RARB: variants seen among roughly 807,000 people sequenced by gnomAD.
RARB encodes HBV-activated protein.
In RARB, 17 loss-of-function variants were observed where a neutral mutation model predicts 51.9. The observed-to-expected ratio is 0.33, with a 90% confidence interval of 0.22 to 0.49. The LOEUF (loss-of-function observed/expected upper bound fraction) is 0.49. RARB is among the 20% of genes least tolerant of loss of function. RARB has a pLI of 0.99. For synonymous variants in RARB, 215 were observed against 195.4 expected, an observed-to-expected ratio of 1.10 and a Z score of -0.84; for missense variants, 369 against 550.8, an observed-to-expected ratio of 0.67 and a Z score of 3.30.
intron 5 of RARB, among the ~76,000 whole-genome samples, chr3:25,175,329 GA>G (rs1375237891): frequency 2.0e-5 from 3 of 152,192 alleles, no homozygotes; most frequent in Non-Finnish European, 4.4e-5. Context: ...ATCTGGAGGT[GA>G]AAAGGCATAT....
At chr3:24,898,295 A>C (rs11718085) in intron 2 of RARB, among the ~76,000 whole-genome samples, 2,708 of 150,738 alleles carry the variant, frequency 0.018, 72 homozygotes, top group East Asian at 0.15. Context: ...ATAGGAAATA[A>C]ATGAAAAATA....
intron 2 of RARB, among the ~76,000 whole-genome samples, chr3:24,912,180 G>T (rs1695002229): frequency 6.6e-6 from 1 of 152,126 alleles, no homozygotes; most frequent in East Asian, 1.9e-4. Context: ...CTATGACGAG[G>T]CAGGGGGGAA....
intron 5 of RARB, among the ~76,000 whole-genome samples, chr3:25,316,496 C>G (rs780243539): frequency 6.6e-6 from 1 of 151,954 alleles, no homozygotes; most frequent in South Asian, 2.1e-4. Flanking sequence ...GAAAAGCATG[C>G]CTGGGGGAAA....
intron 2 of RARB, among the ~76,000 whole-genome samples, chr3:24,862,543 C>G (rs570127997): frequency 6.6e-6 from 1 of 152,314 alleles, no homozygotes; most frequent in African/African-American, 2.4e-5. Flanking sequence ...ATCTCTGGCT[C>G]TCCTGCTTTG....
chr3:25,204,365 T>G (rs1701475265), intron 5 of RARB, among the ~76,000 whole-genome samples: 1 of 152,166 alleles, frequency 6.6e-6, no homozygotes, highest in Admixed American at 6.5e-5. Context: ...TTGCCACGAG[T>G]TTGAACTTCT....
intron 3 of RARB, among the ~76,000 whole-genome samples, chr3:25,509,688 A>G (rs767919110): frequency 1.3e-5 from 2 of 152,150 alleles, no homozygotes; most frequent in East Asian, 1.9e-4. Flanking sequence ...ACCCAACTCC[A>G]TGGAGAAAAC....
At chr3:25,380,284 C>T (rs1706586526) in intron 5 of RARB, among the ~76,000 whole-genome samples, 1 of 152,146 alleles carries the variant, frequency 6.6e-6, no homozygotes, top group African/African-American at 2.4e-5. Flanking sequence ...TGACATCGTC[C>T]ATCCTCTTTC....
At chr3:25,275,504 T>G (rs1703359435) in intron 5 of RARB, among the ~76,000 whole-genome samples, 1 of 152,166 alleles carries the variant, frequency 6.6e-6, no homozygotes, top group South Asian at 2.1e-4. Context: ...GCACCTGGCT[T>G]ACTGCCTGCA....
intron 4 of RARB, among the ~76,000 whole-genome samples, chr3:25,154,059 T>C (rs1700336142): frequency 6.6e-6 from 1 of 152,242 alleles, no homozygotes; most frequent in Non-Finnish European, 1.5e-5. Context: ...ACTTTTATTA[T>C]GCTCATTCCA....
intron 2 of RARB, among the ~76,000 whole-genome samples, chr3:24,915,102 G>C (rs28623189): frequency 2.0e-5 from 3 of 152,122 alleles, no homozygotes; most frequent in African/African-American, 7.2e-5. Context: ...CTTTATAAGA[G>C]GTGTTTCTGA....
chr3:24,920,767 T>C (rs1162890381), intron 2 of RARB, among the ~76,000 whole-genome samples: 1 of 152,236 alleles, frequency 6.6e-6, no homozygotes, highest in Non-Finnish European at 1.5e-5. Context: ...CAGCCAACTT[T>C]GTCTGTGGTT....
chr3:25,276,181 T>C (rs2125413727), intron 5 of RARB, among the ~76,000 whole-genome samples: 1 of 152,352 alleles, frequency 6.6e-6, no homozygotes, highest in African/African-American at 2.4e-5. Flanking sequence ...TTTTGTCTTT[T>C]TGATAATAGC....
At chr3:25,300,032 C>T (rs1044171594) in intron 5 of RARB, among the ~76,000 whole-genome samples, 1 of 152,136 alleles carries the variant, frequency 6.6e-6, no homozygotes, top group Non-Finnish European at 1.5e-5. Flanking sequence ...CAACACTAAG[C>T]TCTGTTCATT....
At chr3:24,937,675 C>G (rs1271380987) in intron 2 of RARB, among the ~76,000 whole-genome samples, 1 of 152,094 alleles carries the variant, frequency 6.6e-6, no homozygotes, top group East Asian at 1.9e-4. Context: ...GAGATAGCAT[C>G]AAAACATTTA....
intron 3 of RARB, among the ~76,000 whole-genome samples, chr3:25,106,851 A>G (rs555265204): frequency 6.6e-5 from 10 of 151,800 alleles, no homozygotes; most frequent in African/African-American, 1.2e-4. Flanking sequence ...CCCTATACCA[A>G]TTGACTCCAG....
At chr3:24,949,205 T>A (rs942685093) in intron 2 of RARB, among the ~76,000 whole-genome samples, 1 of 152,216 alleles carries the variant, frequency 6.6e-6, no homozygotes, top group Non-Finnish European at 1.5e-5. Context: ...TATTGGAGTA[T>A]TTGCTGACCA....
rs141792066 is a variant in RARB at position 25,211,066 on chromosome 3, C to G, written c.178+36491C>G. On this transcript the variant is annotated intron_variant, in intron 5 of 11. Transcript: ENST00000383772. The stretch of plus-strand genomic sequence containing the variant: ...TTGTAAAGATTAATTAATAAAGTTA[C>G]AGCTCTCAGAGTCATGCCTGGGACA... 2.3e-3 allele frequency among the ~76,000 whole-genome samples: 347 copies of G among 152,262 alleles called. 3 individuals carry two copies. Among genetic ancestry groups the G allele is most frequent in the African/African-American group, 7.9e-3 (328 of 41,540 alleles).
chr3:25,381,863 A>G (rs1347263200), intron 5 of RARB, among the ~76,000 whole-genome samples: 2 of 152,200 alleles, frequency 1.3e-5, no homozygotes, highest in Admixed American at 1.3e-4. Flanking sequence ...TGATGATGCT[A>G]ATGCTTGAGA....
At chr3:25,281,427 T>C (rs748250414) in intron 5 of RARB, among the ~76,000 whole-genome samples, 2 of 152,230 alleles carry the variant, frequency 1.3e-5, no homozygotes, top group Non-Finnish European at 2.9e-5. Context: ...TTCCCTGTAA[T>C]CCATTTAGCA....
Sources: allele counts gnomAD v4.1 joint callset (sites outside exome capture counted in the v4.1 genomes callset), GRCh38; gene constraint gnomAD v4.1.1; transcripts MANE v1.5; gene names NCBI Gene and HGNC (gene_info 2026-07-23, HGNC 2026-07-21).